The following CES1 variants were observed in gnomAD, a reference collection of about 807,000 sequenced individuals.
CES1 encodes the protein carboxylesterase 1, also known as liver carboxylesterase 1.
Under a neutral mutation model 53.0 loss-of-function variants are expected in CES1, and 50 were observed. The observed-to-expected ratio is 0.94, with a 90% CI of 0.75 to 1.19. The LOEUF (loss-of-function observed/expected upper bound fraction) is 1.19, where lower values mean the gene tolerates loss of function less well. CES1 is among the 50% of genes most tolerant of loss of function. The pLI is 0.00. For missense variants in CES1, 534 were observed against 538.0 expected (o/e 0.99, Z 0.07); for synonymous variants, 202 against 210.1 (o/e 0.96, Z 0.33).
chr16:55,819,903 T>C (rs1226464404), intron 6 of CES1: 4 of 592,412 alleles, frequency 6.8e-6, no homozygotes, highest in Admixed American at 2.6e-5. Context: ...TCAAGGTGAA[T>C]GTGTCAAGAA....
intron 2 of CES1, among the ~76,000 whole-genome samples, chr16:55,828,380 C>T (rs1266756382): frequency 6.6e-6 from 1 of 152,210 alleles, no homozygotes; most frequent in Admixed American, 6.5e-5. Flanking sequence ...GGGATCCTTC[C>T]TTCTGATCTC....
In CES1 at chr16:55,826,158, C is replaced by T. The variant is rs764860585; in HGVS notation, c.398G>A (p.Arg133Lys). The stretch of plus-strand genomic sequence containing the variant: ...GGGGGTCCCACAACTTACCGGCAGC[C>T]TGTTTTTCTTGGTCAAGTCAGCAGG... ...YTPADLTKKN[R>K]LPVMVWIHGG... The change falls in exon 3 of 14, where the codon AGG (arginine) becomes AAG (lysine). Residue 133 changes from arginine (R) to lysine (K), a missense_variant. Physicochemically the swap from Arg to Lys is conservative, Grantham distance 26. Coordinates refer to ENST00000360526, the MANE Select transcript of CES1 (RefSeq NM_001025195.2). 1 of 1,613,868 alleles carries T rather than the reference C, an allele frequency of 6.2e-7. No individual in the cohort carries two copies. Among genetic ancestry groups the T allele is most frequent in the African/African-American group, 1.3e-5 (1 of 74,914 alleles).
At chr16:55,823,507 G>A (rs377279231) in intron 4 of CES1, 43 bp downstream of exon 4, 52 of 1,609,872 alleles carry the variant, frequency 3.2e-5, no homozygotes, top group South Asian at 6.6e-5. Context: ...TAGCATCCTC[G>A]TTCTGGGGGC....
intron 5 of CES1, 57 bp downstream of exon 5, chr16:55,821,311 A>T: frequency 6.2e-7 from 1 of 1,605,252 alleles, no homozygotes; most frequent in Non-Finnish European, 8.5e-7. Context: ...GGTGTCCAAG[A>T]GGTCTCATCA....
chr16:55,817,086 G>T, intron 7 of CES1, 124 bp from the exon 8 acceptor site: 1 of 1,003,246 alleles, frequency 1.0e-6, no homozygotes, highest in Non-Finnish European at 1.6e-6. Context: ...ATATCTATAT[G>T]TGACCTGCGG....
intron 8 of CES1, among the ~76,000 whole-genome samples, chr16:55,815,728 C>A (rs1425590666): frequency 1.3e-5 from 2 of 149,894 alleles, no homozygotes; most frequent in East Asian, 3.8e-4. Flanking sequence ...TGGATTATGG[C>A]AATGCAGTGG....
intron 11 of CES1, 76 bp downstream of exon 11, chr16:55,810,441 T>C: frequency 6.3e-7 from 1 of 1,579,924 alleles, no homozygotes; most frequent in Non-Finnish European, 8.7e-7. Context: ...CATGTCTGTC[T>C]ATGCTGGGAG....
At position 55,821,504 on chromosome 16, in the gene CES1, C is replaced by G; in HGVS notation, c.557G>C (p.Ser186Thr). ...WGFFSTGDEH[S>T]RGNWGHLDQV... Reference sequence around the variant, plus strand: ...GTCCAGGTGACCCCAGTTCCCCCGGCTGTGTTCATCCCCTGTGCTGTGAGG... The same window carrying G: ...GTCCAGGTGACCCCAGTTCCCCCGGGTGTGTTCATCCCCTGTGCTGTGAGG... The change falls in exon 5 of 14, where the codon AGC (serine) becomes ACC (threonine). Residue 186 changes from serine (S) to threonine (T), a missense_variant. By Grantham distance (58) the Ser-to-Thr change is moderately conservative. This residue lies in a region of CES1 where 85 missense variants were observed against 81.9 expected (regional missense o/e 1.04). Transcript: ENST00000360526. The G allele has an allele frequency of 1.2e-6, 2 of 1,614,196 alleles. No individual in the cohort carries two copies. Among genetic ancestry groups the G allele is most frequent in the Non-Finnish European group, 1.7e-6 (2 of 1,180,032 alleles).
chr16:55,819,290 G>A (rs2032073537), intron 7 of CES1, among the ~76,000 whole-genome samples: 1 of 152,150 alleles, frequency 6.6e-6, no homozygotes, highest in Non-Finnish European at 1.5e-5. Context: ...AAACAAGAAT[G>A]GCAAAATATT....
intron 5 of CES1, 145 bp downstream of exon 5, chr16:55,821,223 C>G: frequency 2.8e-6 from 3 of 1,090,658 alleles, no homozygotes; most frequent in Non-Finnish European, 4.1e-6. Context: ...AGCTTTCTAC[C>G]CCCTGATGCT....
At chr16:55,821,559 G>T in intron 4 of CES1, 38 bp from the exon 5 acceptor site, 1 of 1,613,346 alleles carries the variant, frequency 6.2e-7, no homozygotes, top group African/African-American at 1.3e-5. Context: ...GGGGAGCAGA[G>T]ATGTCATGCA....
intron 1 of CES1, among the ~76,000 whole-genome samples, 187 bp from the exon 2 acceptor site, chr16:55,829,161 T>C (rs3826180): frequency 6.6e-6 from 1 of 151,994 alleles, no homozygotes; most frequent in Non-Finnish European, 1.5e-5. Flanking sequence ...GCTGGTTTAA[T>C]GGGCAAACTA....
intron 3 of CES1, among the ~76,000 whole-genome samples, chr16:55,824,001 G>A (rs2894952): frequency 6.6e-6 from 1 of 151,998 alleles, no homozygotes; most frequent in African/African-American, 2.4e-5. Flanking sequence ...GTCCTCTTCG[G>A]GAGGACACTC....
In CES1 at chr16:55,832,988, T is replaced by C. The variant is rs12149359; in HGVS notation, c.52+16A>G. 29,310 of 1,460,812 alleles carry C rather than the reference T, an allele frequency of 0.02. 5,612 individuals carry two copies. Among genetic ancestry groups the C allele is most frequent in the African/African-American group, 0.078 (5,362 of 68,462 alleles). The allele number at this position is 1,460,812 out of a possible 1,614,324, so 90.5% of individuals were successfully genotyped here. A position where few individuals can be genotyped will look rare whatever the true frequency, so the allele number is the denominator to read the frequency against. ...TTTCAAAAAGTGCCCCGCATTTTGATTTCAGAAGGACTCACCCCAAGCCGC... is the reference window on the plus strand; with the variant it reads ...TTTCAAAAAGTGCCCCGCATTTTGACTTCAGAAGGACTCACCCCAAGCCGC... On this transcript the variant is annotated intron_variant, in intron 1 of 13. Coordinates refer to ENST00000360526, the MANE Select transcript of CES1 (RefSeq NM_001025195.2).
At position 55,812,960 on chromosome 16, in the gene CES1, G is replaced by A; in HGVS notation, c.1029C>T (p.His343=). 2 of 1,614,090 alleles carry A rather than the reference G, an allele frequency of 1.2e-6. No individual in the cohort carries two copies. The highest frequency in any genetic ancestry group is 1.7e-6 in the Non-Finnish European group (2 of 1,179,956). Residue 343 remains histidine, a synonymous_variant, in exon 9 of 14, where the codon CAC becomes CAT. Coordinates refer to ENST00000360526, the MANE Select transcript of CES1 (RefSeq NM_001025195.2). ...TAATTCCGACCATGTAGGGGACAGT[G>A]TGGAAATTCCTTTCAGCTTGAAGCT... is the stretch of plus-strand genomic sequence containing the variant. The part of the protein sequence containing the change: ...PEELQAERNF[H]TVPYMVGINK...
At chr16:55,831,961 G>A (rs2430658) in intron 1 of CES1, among the ~76,000 whole-genome samples, 4,289 of 149,782 alleles carry the variant, frequency 0.029, 6 homozygotes, top group South Asian at 0.14. Context: ...GTATTCTGAT[G>A]CTCTGGCATC....
rs772353635 is a variant in CES1, at chr16:55,821,478, G to T, written c.583C>A (p.Gln195Lys). The change falls in exon 5 of 14, where the codon CAG becomes AAG. Residue 195 changes from glutamine (Q) to lysine (K), a missense_variant. Gln to Lys is a moderately conservative substitution (Grantham distance 53). Around this residue, in one of 5 missense-constraint regions of CES1, gnomAD observed 85 missense variants for 81.9 expected, o/e 1.04. Coordinates refer to ENST00000360526, the MANE Select transcript of CES1 (RefSeq NM_001025195.2). ...TGGACCCAGCGCAGGGCAGCCACCT[G>T]GTCCAGGTGACCCCAGTTCCCCCGG... is the stretch of plus-strand genomic sequence containing the variant. ...HSRGNWGHLD[Q>K]VAALRWVQDN... 6.2e-7 allele frequency: 1 copy of T among 1,614,212 alleles called. No homozygotes were observed. The highest frequency in any genetic ancestry group is 8.5e-7 in the Non-Finnish European group (1 of 1,180,032).
intron 8 of CES1, among the ~76,000 whole-genome samples, chr16:55,814,263 T>C (rs2031834142): frequency 1.3e-5 from 2 of 152,242 alleles, no homozygotes; most frequent in Non-Finnish European, 2.9e-5. Context: ...AGGTTTCACC[T>C]TTGATGAATA....
intron 4 of CES1, among the ~76,000 whole-genome samples, chr16:55,822,416 A>G (rs1178666453): frequency 3.3e-5 from 5 of 152,218 alleles, no homozygotes; most frequent in Non-Finnish European, 7.3e-5. Flanking sequence ...GGTTGTGAGA[A>G]AAGAGACAGT....
Sources: allele counts gnomAD v4.1 joint callset (sites outside exome capture counted in the v4.1 genomes callset), GRCh38; gene constraint gnomAD v4.1.1; regional missense constraint gnomAD v4.1.1; transcripts MANE v1.5; gene names NCBI Gene and HGNC (gene_info 2026-07-23, HGNC 2026-07-21).